ATXN7L1: variants seen among roughly 807,000 people sequenced by gnomAD.
The protein encoded by ATXN7L1 is ataxin-7-like protein 1.
ATXN7L1 carries 15 observed loss-of-function variants against 70.8 expected under a neutral mutation model. That is an observed-to-expected ratio of 0.21 (90% CI 0.14 to 0.33). ATXN7L1 has a LOEUF of 0.33. ATXN7L1 is among the 10% of genes least tolerant of loss of function. The probability of loss-of-function intolerance (pLI) is 1.00; values close to 1 mark genes in which losing one functional copy is unlikely to be tolerated. For synonymous variants in ATXN7L1, 440 were observed against 445.1 expected, an observed-to-expected ratio of 0.99 and a Z score of 0.14; for missense variants, 975 against 1,097.1, an observed-to-expected ratio of 0.89 and a Z score of 1.57.
At chr7:105,813,013 AAAACCAAACC>A (rs1190100903) in intron 2 of ATXN7L1, among the ~76,000 whole-genome samples, 1 of 152,164 alleles carries the variant, frequency 6.6e-6, no homozygotes, top group African/African-American at 2.4e-5. Context: ...AAAACAAGAC[AAAACCAAACC>A]AAACCAAACC....
chr7:105,707,740 T>A (rs914580831), intron 3 of ATXN7L1, among the ~76,000 whole-genome samples: 5 of 152,146 alleles, frequency 3.3e-5, no homozygotes, highest in Admixed American at 6.6e-5. Flanking sequence ...GGCATTTGTA[T>A]CCCAAAGGGG....
At chr7:105,734,412 G>A (rs1367109644) in intron 3 of ATXN7L1, among the ~76,000 whole-genome samples, 2 of 152,216 alleles carry the variant, frequency 1.3e-5, no homozygotes, top group African/African-American at 2.4e-5. Context: ...TGCAGCTGGC[G>A]AGGCCAATCT....
At chr7:105,672,265 G>A (rs889239547) in intron 3 of ATXN7L1, among the ~76,000 whole-genome samples, 12 of 152,080 alleles carry the variant, frequency 7.9e-5, no homozygotes, top group African/African-American at 2.4e-4. Context: ...CAGTCTCGGC[G>A]ACAGAGTGAG....
At chr7:105,830,401 A>G (rs75168418) in intron 2 of ATXN7L1, among the ~76,000 whole-genome samples, 2,819 of 152,376 alleles carry the variant, frequency 0.019, 36 homozygotes, top group South Asian at 0.029. Context: ...TGACTAGAAG[A>G]GTTGTTTAAT....
At chr7:105,814,775 C>A (rs1808947095) in intron 2 of ATXN7L1, among the ~76,000 whole-genome samples, 1 of 152,178 alleles carries the variant, frequency 6.6e-6, no homozygotes, top group African/African-American at 2.4e-5. Flanking sequence ...TAAGTTGTCT[C>A]TCACTCCTCA....
At chr7:105,827,814 G>C (rs1216146742) in intron 2 of ATXN7L1, among the ~76,000 whole-genome samples, 3 of 152,154 alleles carry the variant, frequency 2.0e-5, no homozygotes, top group Non-Finnish European at 4.4e-5. Context: ...TCAGGTTTTA[G>C]TAAGGTCATA....
At chr7:105,733,076 T>C (rs1037489108) in intron 3 of ATXN7L1, among the ~76,000 whole-genome samples, 1 of 152,226 alleles carries the variant, frequency 6.6e-6, no homozygotes, top group Non-Finnish European at 1.5e-5. Flanking sequence ...ATTTAGTTGC[T>C]TGCTGCCTGC....
At chr7:105,781,770 C>T (rs1211493673) in intron 3 of ATXN7L1, among the ~76,000 whole-genome samples, 2 of 152,210 alleles carry the variant, frequency 1.3e-5, no homozygotes, top group East Asian at 3.9e-4. Flanking sequence ...AATACGGAAA[C>T]AGAAACACAG....
intron 4 of ATXN7L1, among the ~76,000 whole-genome samples, chr7:105,663,180 C>T (rs867878907): frequency 1.1e-4 from 17 of 152,198 alleles, no homozygotes; most frequent in African/African-American, 3.9e-4. Context: ...AGACTCACAT[C>T]GCCGGTGGGT....
chr7:105,730,047 T>C (rs904577286), intron 3 of ATXN7L1, among the ~76,000 whole-genome samples: 3 of 151,998 alleles, frequency 2.0e-5, no homozygotes, highest in African/African-American at 7.3e-5. Flanking sequence ...CCTCCCCACT[T>C]CTTAAGTGTG....
intron 2 of ATXN7L1, among the ~76,000 whole-genome samples, chr7:105,794,029 T>C (rs928034349): frequency 5.2e-5 from 7 of 134,378 alleles, no homozygotes; most frequent in African/African-American, 8.2e-5. Flanking sequence ...TCATCCATCA[T>C]TGAAACATGT....
At chr7:105,762,645 T>C (rs1196880929) in intron 3 of ATXN7L1, among the ~76,000 whole-genome samples, 1 of 152,170 alleles carries the variant, frequency 6.6e-6, no homozygotes, top group Non-Finnish European at 1.5e-5. Context: ...CCAAAGGCCC[T>C]GTCAATGATT....
intron 3 of ATXN7L1, among the ~76,000 whole-genome samples, chr7:105,768,006 G>A (rs546785017): frequency 1.1e-4 from 16 of 152,322 alleles, no homozygotes; most frequent in African/African-American, 3.8e-4. Context: ...TTTTGTGCTT[G>A]TTTTGAACAT....
At chr7:105,843,689 C>T (rs1398959366) in intron 2 of ATXN7L1, among the ~76,000 whole-genome samples, 2 of 152,218 alleles carry the variant, frequency 1.3e-5, no homozygotes, top group East Asian at 3.9e-4. Context: ...ACCCAGGTTC[C>T]CTCTTCTTTT....
chr7:105,819,703 AC>A, intron 2 of ATXN7L1: 1 of 917,338 alleles, frequency 1.1e-6, no homozygotes, highest in Non-Finnish European at 1.8e-6. Context: ...CGAGGCCCCT[AC>A]CACTTCCGGG....
chr7:105,613,398 G>C, intron 10 of ATXN7L1: 1 of 816,452 alleles, frequency 1.2e-6, no homozygotes, highest in Non-Finnish European at 1.5e-6. Flanking sequence ...TCCCAGGTGG[G>C]ACCCTGGGTC....
At chr7:105,746,430 C>T (rs148968526) in intron 3 of ATXN7L1, among the ~76,000 whole-genome samples, 161 of 152,300 alleles carry the variant, frequency 1.1e-3, no homozygotes, top group African/African-American at 3.7e-3. Flanking sequence ...GCATCTCATC[C>T]CTGTGTTGTC....
chr7:105,711,403 A>G (rs1273312174), intron 3 of ATXN7L1, among the ~76,000 whole-genome samples: 1 of 152,250 alleles, frequency 6.6e-6, no homozygotes, highest in African/African-American at 2.4e-5. Context: ...CATCTGAGAC[A>G]AGGTAAGTCC....
chr7:105,761,077 G>A, intron 3 of ATXN7L1: 1 of 843,320 alleles, frequency 1.2e-6, no homozygotes, highest in Non-Finnish European at 1.5e-6. Context: ...AGGAGCAAGA[G>A]TGGAAGCAGG....
Sources: gnomAD v4.1 joint callset for allele counts (sites outside exome capture counted in the v4.1 genomes callset) on GRCh38, gnomAD v4.1.1 for gene constraint, MANE v1.5 for transcripts, NCBI Gene and HGNC (gene_info 2026-07-23, HGNC 2026-07-21) for gene names.